TAF4: variants seen among roughly 807,000 people sequenced by gnomAD.
The protein encoded by TAF4 is transcription initiation factor TFIID subunit 4.
A neutral mutation model predicts 90.3 loss-of-function variants in TAF4; 9 were observed. That is an observed-to-expected ratio of 0.10 (90% CI 0.06 to 0.17). The LOEUF (loss-of-function observed/expected upper bound fraction) is 0.17, where lower values mean the gene tolerates loss of function less well. TAF4 is among the 10% of genes least tolerant of loss of function. The pLI is 1.00. For synonymous variants in TAF4, 818 were observed against 638.9 expected (o/e 1.28, Z -4.23); for missense variants, 1,351 against 1,370.7 (o/e 0.99, Z 0.23).
rs139699769 is a variant in TAF4 at position 62,016,490 on chromosome 20, T to C, written c.1361-1783A>G. Among the ~76,000 whole-genome samples the C allele has an allele frequency of 3.0e-3, 453 of 152,334 alleles. 5 individuals carry two copies. The highest frequency in any genetic ancestry group is 0.01 in the African/African-American group (432 of 41,582). Reference sequence around the variant, plus strand: ...GCCTCCATCTTTCTCCAGAGCTGGATGCTTCCTGCCCTGGAACTTCAGACT... The same window carrying C: ...GCCTCCATCTTTCTCCAGAGCTGGACGCTTCCTGCCCTGGAACTTCAGACT... On this transcript the variant is annotated intron_variant, in intron 1 of 14. Transcript: ENST00000252996.
chr20:61,987,584 G>A (rs917940846), intron 14 of TAF4, among the ~76,000 whole-genome samples: 2 of 152,206 alleles, frequency 1.3e-5, no homozygotes, highest in Non-Finnish European at 2.9e-5. Context: ...GAACGCTGGC[G>A]AGGATGTGAA....
At chr20:62,016,164 C>T (rs2055810979) in intron 1 of TAF4, among the ~76,000 whole-genome samples, 1 of 152,206 alleles carries the variant, frequency 6.6e-6, no homozygotes, top group Non-Finnish European at 1.5e-5. Context: ...CTGCGCGTAA[C>T]GAGGGAGAGT....
At chr20:61,981,703 G>A (rs1240962003) in intron 14 of TAF4, among the ~76,000 whole-genome samples, 2 of 151,980 alleles carry the variant, frequency 1.3e-5, no homozygotes, top group Non-Finnish European at 2.9e-5. Flanking sequence ...CAGGCAGAGT[G>A]GGACATTCAC....
chr20:62,010,172 G>C lies in TAF4; in HGVS notation c.1642-7C>G, dbSNP rs373425498. Reference sequence around the variant, plus strand: ...CACCCAGAACGAGCTGAGGCTACAAGAATCCAAAAACACAAGGTAAGGGCA... The same window carrying C: ...CACCCAGAACGAGCTGAGGCTACAACAATCCAAAAACACAAGGTAAGGGCA... On this transcript the variant is annotated splice_region_variant and splice_polypyrimidine_tract_variant and intron_variant, in intron 3 of 14. Coordinates refer to ENST00000252996, the MANE Select transcript of TAF4 (RefSeq NM_003185.4). The surrounding 1 kb of genome is among the most constrained non-coding windows in gnomAD (Gnocchi z 4.5). The C allele has an allele frequency of 3.1e-6, 5 of 1,613,720 alleles. No individual in the cohort carries two copies. The highest frequency in any genetic ancestry group is 1.6e-4 in the Middle Eastern group (1 of 6,062).
chr20:62,049,546 G>A (rs1297832923), intron 1 of TAF4, among the ~76,000 whole-genome samples: 1 of 151,484 alleles, frequency 6.6e-6, no homozygotes, highest in Non-Finnish European at 1.5e-5. Context: ...GGAAGGCCCT[G>A]CTCTCCACAT....
At position 62,007,589 on chromosome 20, in the gene TAF4, T is replaced by G. The variant is rs763303613; in HGVS notation, c.1932A>C (p.Glu644Asp). The G allele has an allele frequency of 1.2e-6, 2 of 1,612,384 alleles. No homozygotes were observed. Among genetic ancestry groups the G allele is most frequent in the South Asian group, 2.2e-5 (2 of 90,782 alleles). ...AEDFTSRLYR[E>D]LNSSPQPYLV... ...GGTAAGGTTGAGGTGAAGAATTAAG[T>G]TCTCGGTATAACCTGCTTGTGAAAT... Residue 644 changes from glutamate to aspartate, a missense_variant, in exon 6 of 15, where the codon GAA (glutamate) becomes GAC (aspartate). This residue lies in a region of TAF4 where 44 missense variants were observed against 97.4 expected (regional missense o/e 0.45). Transcript: ENST00000252996.
chr20:62,038,189 G>A (rs752370120), intron 1 of TAF4, among the ~76,000 whole-genome samples: 10 of 152,108 alleles, frequency 6.6e-5, no homozygotes, highest in East Asian at 1.9e-4. Flanking sequence ...CACTACGCCC[G>A]GCTAATTTTT....
At position 61,976,338 on chromosome 20, in the gene TAF4, G is replaced by A. The variant is rs758604523; in HGVS notation, c.3091-3C>T. ...ACCACTGAGCCGGGGCCCGACCCCT[G>A]GTGATGAAAAAGGAGAAGACAGTGT... On this transcript the variant is annotated splice_region_variant and splice_polypyrimidine_tract_variant and intron_variant, in intron 14 of 14. Transcript: ENST00000252996. The A allele has an allele frequency of 4.3e-6, 7 of 1,612,930 alleles. No individual in the cohort carries two copies. Among genetic ancestry groups the A allele is most frequent in the Non-Finnish European group, 5.9e-6 (7 of 1,179,968 alleles).
At chr20:62,001,523 G>A (rs2144674) in intron 9 of TAF4, among the ~76,000 whole-genome samples, 76,389 of 152,014 alleles carry the variant, frequency 0.5, 19,761 homozygotes, top group Middle Eastern at 0.65. Context: ...TCCACTTGCC[G>A]CCTCCAGCAG....
chr20:62,007,277 G>A (rs577566619), intron 6 of TAF4, among the ~76,000 whole-genome samples: 13 of 152,218 alleles, frequency 8.5e-5, no homozygotes, highest in African/African-American at 2.9e-4. Context: ...CCCATTCCCC[G>A]TCCCCTTCAC....
In TAF4 at chr20:62,014,023, T is replaced by TGGGGGGG. The variant is rs1354883504; in HGVS notation, c.1521+523_1521+524insCCCCCCC. Among the ~76,000 whole-genome samples, 17 of 100,308 alleles carry TGGGGGGG rather than the reference T, an allele frequency of 1.7e-4. No individual in the cohort carries two copies. In the South Asian group the frequency reaches 3.3e-3, roughly 20 times the overall value. 65.8% of individuals were successfully genotyped at this position (100,308 alleles called of 152,430 possible). On this transcript the variant is annotated intron_variant, in intron 2 of 14. Coordinates refer to ENST00000252996, the MANE Select transcript of TAF4 (RefSeq NM_003185.4). ...GAAGGCTGACGCGGGGGTGTGGGTGTGTGTGTGTGTGTGTGTGTGTGTATG... is the reference window on the plus strand; with the variant it reads ...GAAGGCTGACGCGGGGGTGTGGGTGTGGGGGGGGTGTGTGTGTGTGTGTGTGTGTATG...
intron 14 of TAF4, among the ~76,000 whole-genome samples, chr20:61,989,547 G>A (rs2055617588): frequency 9.0e-6 from 1 of 111,440 alleles, no homozygotes; most frequent in South Asian, 3.9e-4. Context: ...GAGTGAATGA[G>A]GGATCCCGGC....
At chr20:62,061,059 T>C (rs2056086393) in intron 1 of TAF4, among the ~76,000 whole-genome samples, 1 of 152,182 alleles carries the variant, frequency 6.6e-6, no homozygotes, top group South Asian at 2.1e-4. Context: ...GAACAACATA[T>C]TCCTCCCAGG....
chr20:62,021,380 G>GAGGGCC (rs2055842113), intron 1 of TAF4, among the ~76,000 whole-genome samples: 1 of 152,270 alleles, frequency 6.6e-6, no homozygotes, highest in Admixed American at 6.5e-5. Context: ...ACAGGGTCCG[G>GAGGGCC]AGGGCCAGGG....
chr20:62,064,508 G>C lies in TAF4; in HGVS notation c.1303C>G (p.Arg435Gly). The change falls in exon 1 of 15, where the codon CGC (arginine) becomes GGC (glycine). Residue 435 changes from arginine to glycine, a missense_variant. Physicochemically the swap from Arg to Gly is moderately radical, Grantham distance 125. This residue lies in a region of TAF4 where 782 missense variants were observed against 536.6 expected (regional missense o/e 1.46). Coordinates refer to ENST00000252996, the MANE Select transcript of TAF4 (RefSeq NM_003185.4). ...ATLTPTVLAP[R>G]LPQPPQNPTN... ...GGGTTCTGAGGCGGCTGCGGCAAGC[G>C]GGGGGCCAGCACGGTGGGCGTCAGG... 1 of 1,517,304 alleles carries C rather than the reference G, an allele frequency of 6.6e-7. No individual in the cohort carries two copies. The highest frequency in any genetic ancestry group is 1.2e-5 in the South Asian group (1 of 80,050). The allele number at this position is 1,517,304 out of a possible 1,614,324, so 94.0% of individuals were successfully genotyped here. A position where few individuals can be genotyped will look rare whatever the true frequency, so the allele number is the denominator to read the frequency against.
At chr20:61,979,864 T>C (rs927931627) in intron 14 of TAF4, among the ~76,000 whole-genome samples, 1 of 151,916 alleles carries the variant, frequency 6.6e-6, no homozygotes, top group Admixed American at 6.5e-5. Flanking sequence ...CCAGAGGGAC[T>C]GCGGCCCGTG....
At chr20:61,996,874 G>A (rs2055666126) in intron 14 of TAF4, among the ~76,000 whole-genome samples, 1 of 151,042 alleles carries the variant, frequency 6.6e-6, no homozygotes, top group African/African-American at 2.4e-5. Context: ...ATCACCAGTA[G>A]ATCTGCACCA....
chr20:62,018,669 C>T (rs114383965), intron 1 of TAF4, among the ~76,000 whole-genome samples: 358 of 152,360 alleles, frequency 2.3e-3, no homozygotes, highest in African/African-American at 7.8e-3. Context: ...CCACCCAGGT[C>T]TTTGTGAGGA....
At position 62,010,208 on chromosome 20, in the gene TAF4, C is replaced by G; in HGVS notation, c.1642-43G>C. The G allele has an allele frequency of 6.2e-7, 1 of 1,612,486 alleles. No individual in the cohort carries two copies. Among genetic ancestry groups the G allele is most frequent in the East Asian group, 2.2e-5 (1 of 44,832 alleles). On this transcript the variant is annotated intron_variant, in intron 3 of 14. Coordinates refer to ENST00000252996, the MANE Select transcript of TAF4 (RefSeq NM_003185.4). The surrounding 1 kb of genome is among the most constrained non-coding windows in gnomAD (Gnocchi z 4.5). The stretch of plus-strand genomic sequence containing the variant: ...CACAAGGTAAGGGCATCTCACGCCA[C>G]CAGCTGACGAGGGGGAGACCAGCCT...
Sources: allele counts gnomAD v4.1 joint callset (sites outside exome capture counted in the v4.1 genomes callset), GRCh38; gene constraint gnomAD v4.1.1; regional missense constraint gnomAD v4.1.1; non-coding constraint Gnocchi (gnomAD v3.1); transcripts MANE v1.5; gene names NCBI Gene and HGNC (gene_info 2026-07-23, HGNC 2026-07-21).